SRPK2: variants seen among roughly 807,000 people sequenced by gnomAD.
SRPK2 encodes the protein SRSF protein kinase 2, also known as SFRS protein kinase 2.
In SRPK2, 21 loss-of-function variants were observed where a neutral mutation model predicts 90.8. That is an observed-to-expected ratio of 0.23 (90% CI 0.16 to 0.33). The LOEUF is 0.33. Among genes scored for constraint, SRPK2 ranks in the 10% least tolerant of loss-of-function variants. The pLI is 1.00. For synonymous variants in SRPK2, 288 were observed against 311.1 expected (o/e 0.93, Z 0.78); for missense variants, 620 against 869.0 (o/e 0.71, Z 3.60).
At chr7:105,298,419 G>GT (rs1222011945) in intron 2 of SRPK2, among the ~76,000 whole-genome samples, 1 of 152,074 alleles carries the variant, frequency 6.6e-6, no homozygotes, top group East Asian at 1.9e-4. Flanking sequence ...TTTCTTAACT[G>GT]TTAAAAAAGA....
At chr7:105,183,974 A>AT (rs57622134) in intron 3 of SRPK2, among the ~76,000 whole-genome samples, 96,772 of 116,170 alleles carry the variant, frequency 0.83, 41,534 homozygotes, top group East Asian at 0.92. Flanking sequence ...ACTATTACCA[A>AT]TTTTTTTTTT....
intron 2 of SRPK2, among the ~76,000 whole-genome samples, chr7:105,212,774 A>C (rs992652371): frequency 6.6e-6 from 1 of 152,232 alleles, no homozygotes; most frequent in African/African-American, 2.4e-5. Flanking sequence ...AGATGATTAA[A>C]AACTGGAACT....
intron 2 of SRPK2, among the ~76,000 whole-genome samples, chr7:105,234,217 G>C (rs1336599211): frequency 6.6e-6 from 1 of 152,142 alleles, no homozygotes; most frequent in East Asian, 1.9e-4. Flanking sequence ...ATTTATACTA[G>C]TAGTTGCCAC....
At chr7:105,167,881 G>T in intron 5 of SRPK2, 127 bp downstream of exon 5, 2 of 746,748 alleles carry the variant, frequency 2.7e-6, no homozygotes, top group Non-Finnish European at 4.3e-6. Context: ...AAAGTGCTGA[G>T]ATTATAGGCA....
intron 15 of SRPK2, among the ~76,000 whole-genome samples, chr7:105,120,038 T>G (rs1205588999): frequency 1.3e-5 from 2 of 152,202 alleles, no homozygotes; most frequent in Admixed American, 6.5e-5. Flanking sequence ...ATCAACTGAA[T>G]CAAAACATCA....
In SRPK2 at chr7:105,142,429, T is replaced by G. The variant is rs769282523; in HGVS notation, c.1122A>C (p.Glu374Asp). Residue 374 changes from glutamate (E) to aspartate (D), a missense_variant, in exon 11 of 16, where the codon GAA becomes GAC. Physicochemically the swap from Glu to Asp is conservative, Grantham distance 45. Around this residue, in one of 8 missense-constraint regions of SRPK2, gnomAD observed 243 missense variants for 245.7 expected, o/e 0.99. Transcript: ENST00000393651. ...TCGCAAGTTCCTGATCTACATCATC[T>G]TCATCTTTTTCAATGTTTTCTTTCT... is the stretch of plus-strand genomic sequence containing the variant. The part of the protein sequence containing the change: ...DAEKENIEKD[E>D]DDVDQELANI... 4 of 1,613,512 alleles carry G rather than the reference T, an allele frequency of 2.5e-6. No homozygotes were observed. In the South Asian group the frequency reaches 3.3e-5, roughly 13 times the overall value.
intron 2 of SRPK2, among the ~76,000 whole-genome samples, chr7:105,385,506 C>T (rs899071730): frequency 6.6e-6 from 1 of 152,086 alleles, no homozygotes; most frequent in African/African-American, 2.4e-5. Flanking sequence ...GGAATCAGAA[C>T]CTGTCCCTTC....
intron 13 of SRPK2, among the ~76,000 whole-genome samples, chr7:105,127,353 C>T (rs796713982): frequency 6.6e-6 from 1 of 152,188 alleles, no homozygotes; most frequent in Non-Finnish European, 1.5e-5. Flanking sequence ...CTGGCCAGAG[C>T]GCGGTATGCA....
At position 105,291,078 on chromosome 7, in the gene SRPK2, G is replaced by A. The variant is rs2131028983; in HGVS notation, c.72-87293C>T. 1.3e-5 allele frequency among the ~76,000 whole-genome samples: 2 copies of A among 149,034 alleles called. 1 individual carries two copies. The highest frequency in any genetic ancestry group is 4.3e-4 in the South Asian group (2 of 4,696). Reference sequence around the variant, plus strand: ...AAAAAAAAAAAAAGAAATGAAGACTGGGACCATTCTAAACAAAAAATGGCA... The same window carrying A: ...AAAAAAAAAAAAAGAAATGAAGACTAGGACCATTCTAAACAAAAAATGGCA... On this transcript the variant is annotated intron_variant, in intron 2 of 15. Transcript: ENST00000393651.
intron 2 of SRPK2, among the ~76,000 whole-genome samples, chr7:105,344,407 CTTTTTTTTTTTTT>C (rs1178845367): frequency 1.7e-5 from 1 of 58,458 alleles, no homozygotes; most frequent in Non-Finnish European, 3.2e-5. Context: ...GCAGCCACAC[CTTTTTTTTTTTTT>C]TTTTTTTTTT....
intron 7 of SRPK2, among the ~76,000 whole-genome samples, chr7:105,148,639 A>T (rs1805022521): frequency 6.6e-6 from 1 of 152,198 alleles, no homozygotes; most frequent in South Asian, 2.1e-4. Flanking sequence ...ACATCATCCA[A>T]TGTAGGGAAA....
chr7:105,210,646 G>A (rs1796740000), intron 2 of SRPK2, among the ~76,000 whole-genome samples: 2 of 151,454 alleles, frequency 1.3e-5, no homozygotes, highest in African/African-American at 4.9e-5. Context: ...CTTGAGTATG[G>A]GTAGATCTGT....
chr7:105,272,778 T>A (rs957802582), intron 2 of SRPK2, among the ~76,000 whole-genome samples: 21 of 152,152 alleles, frequency 1.4e-4, no homozygotes, highest in Non-Finnish European at 1.8e-4. Flanking sequence ...ATGGCTTGAA[T>A]GCGATGTCTA....
intron 2 of SRPK2, among the ~76,000 whole-genome samples, chr7:105,346,857 T>TA (rs34287828): frequency 0.67 from 91,588 of 137,224 alleles, 31,189 homozygotes; most frequent in South Asian, 0.75. Context: ...TCTCATTTGT[T>TA]AAAAAAAAAA....
intron 2 of SRPK2, among the ~76,000 whole-genome samples, chr7:105,239,779 A>C (rs544779315): frequency 3.3e-5 from 5 of 152,240 alleles, no homozygotes; most frequent in South Asian, 2.1e-4. Flanking sequence ...ATGGTTGATA[A>C]GAATAAGAAA....
chr7:105,258,020 T>C (rs947645281), intron 2 of SRPK2, among the ~76,000 whole-genome samples: 2 of 151,434 alleles, frequency 1.3e-5, no homozygotes, highest in Admixed American at 6.6e-5. Context: ...GGCAGGATAA[T>C]TGCTTGAACC....
At chr7:105,309,291 C>G (rs954577095) in intron 2 of SRPK2, among the ~76,000 whole-genome samples, 2 of 151,066 alleles carry the variant, frequency 1.3e-5, no homozygotes, top group Non-Finnish European at 2.9e-5. Context: ...AAAGTACAGA[C>G]AATATGTCCA....
chr7:105,378,469 T>G (rs1820565940), intron 2 of SRPK2, among the ~76,000 whole-genome samples: 1 of 151,766 alleles, frequency 6.6e-6, no homozygotes, highest in African/African-American at 2.4e-5. Context: ...CCAAGAAACA[T>G]ATGAAAAGAT....
chr7:105,388,964 A>ACCCGCCCCCGTCCGGC (rs1263964356), upstream of SRPK2: 5 of 1,123,012 alleles, frequency 4.5e-6, no homozygotes, highest in South Asian at 4.3e-5. Context: ...ACCCAGCAAG[A>ACCCGCCCCCGTCCGGC]CCCGCCCCCG....
Sources: gnomAD v4.1 joint callset for allele counts (sites outside exome capture counted in the v4.1 genomes callset) on GRCh38, gnomAD v4.1.1 for gene constraint, gnomAD v4.1.1 regional missense constraint, MANE v1.5 for transcripts, NCBI Gene and HGNC (gene_info 2026-07-23, HGNC 2026-07-21) for gene names.